Variants in MED15 observed in about 807,000 individuals in gnomAD.
MED15 encodes mediator of RNA polymerase II transcription subunit 15.
A neutral mutation model predicts 118.7 loss-of-function variants in MED15; 41 were observed. The observed-to-expected ratio is 0.35, with a 90% CI of 0.27 to 0.45. MED15 has a LOEUF of 0.45. Among genes scored for constraint, MED15 ranks in the 20% least tolerant of loss-of-function variants. MED15 has a pLI of 1.00. For missense variants in MED15, 740 were observed against 1,025.5 expected (o/e 0.72, Z 3.80); for synonymous variants, 436 against 413.9 (o/e 1.05, Z -0.65).
intron 2 of MED15, among the ~76,000 whole-genome samples, chr22:20,548,664 C>T (rs754538701): frequency 5.8e-4 from 89 of 152,146 alleles, no homozygotes; most frequent in Non-Finnish European, 1.0e-3. Context: ...TTCCACAGGT[C>T]TTATATAAAA....
At chr22:20,580,412 G>T (rs1463851674) in intron 9 of MED15, among the ~76,000 whole-genome samples, 1 of 152,180 alleles carries the variant, frequency 6.6e-6, no homozygotes, top group Admixed American at 6.5e-5. Flanking sequence ...CCACAGAAAA[G>T]AGCTGACCAT....
At chr22:20,521,088 ATTTTTTTTT>A (rs924603121) in intron 1 of MED15, among the ~76,000 whole-genome samples, 8 of 61,500 alleles carry the variant, frequency 1.3e-4, no homozygotes, top group Admixed American at 1.8e-4. Flanking sequence ...CAGTTGTTCT[ATTTTTTTTT>A]TTTTTTTTTT....
intron 1 of MED15, among the ~76,000 whole-genome samples, chr22:20,512,504 T>C (rs1477391364): frequency 1.3e-5 from 2 of 151,778 alleles, no homozygotes; most frequent in African/African-American, 4.8e-5. Flanking sequence ...TAGGACCTCA[T>C]ACCTATGAAG....
Position 20,586,842 on chromosome 22 carries a change from C to T in MED15, c.*138C>T. On this transcript the variant is annotated 3_prime_UTR_variant, in exon 18 of 18. Transcript: ENST00000263205. Reference sequence around the variant, plus strand: ...TGCTTTTATCTTCTGCCTTGGGGACCTGCCAAACGAAATCCCACACCTGTA... The same window carrying T: ...TGCTTTTATCTTCTGCCTTGGGGACTTGCCAAACGAAATCCCACACCTGTA... 7.6e-7 allele frequency: 1 copy of T among 1,311,826 alleles called. No individual in the cohort carries two copies. The highest frequency in any genetic ancestry group is 1.4e-5 in the South Asian group (1 of 69,638). 81.3% of individuals were successfully genotyped at this position (1,311,826 alleles called of 1,614,324 possible). A position where few individuals can be genotyped will look rare whatever the true frequency, so the allele number is the denominator to read the frequency against.
Position 20,537,187 on chromosome 22 carries a change from C to G in MED15, c.139C>G (p.Leu47Val), listed in dbSNP as rs756941517. Residue 47 changes from leucine (L) to valine (V), a missense_variant, in exon 2 of 18, where the codon CTG becomes GTG. Coordinates refer to ENST00000263205, the MANE Select transcript of MED15 (RefSeq NM_001003891.3). Reference protein sequence around the residue: ...SSKDMESHVFLKAKTRDEYLS... With the variant: ...SSKDMESHVFVKAKTRDEYLS... ...CAAGGATATGGAGAGCCATGTTTTCCTGAAGGCCAAGACCCGGGTAAGGCC... is the reference window on the plus strand; with the variant it reads ...CAAGGATATGGAGAGCCATGTTTTCGTGAAGGCCAAGACCCGGGTAAGGCC... The G allele has an allele frequency of 6.2e-7, 1 of 1,613,780 alleles. No individual in the cohort carries two copies. The highest frequency in any genetic ancestry group is 1.1e-5 in the South Asian group (1 of 91,058).
intron 1 of MED15, among the ~76,000 whole-genome samples, chr22:20,533,609 C>T (rs1397892326): frequency 3.3e-5 from 5 of 152,086 alleles, no homozygotes; most frequent in Non-Finnish European, 5.9e-5. Flanking sequence ...CTCCTTGGCC[C>T]CACTCTGACC....
intron 8 of MED15, chr22:20,573,858 G>A (rs71312770): frequency 1.3e-5 from 2 of 152,230 alleles, no homozygotes; most frequent in East Asian, 3.9e-4. Context: ...AAGTGCCGCA[G>A]GTGGTGGTAA....
chr22:20,582,283 A>T (rs1441680288), intron 9 of MED15: 6 of 432,798 alleles, frequency 1.4e-5, no homozygotes, highest in Non-Finnish European at 4.2e-6. Context: ...AGGCCAGGCT[A>T]GTGCCAGCCA....
At chr22:20,575,655 T>C (rs2056800614) in intron 9 of MED15, among the ~76,000 whole-genome samples, 1 of 151,918 alleles carries the variant, frequency 6.6e-6, no homozygotes, top group South Asian at 2.1e-4. Context: ...GAGGATCACT[T>C]GAGGCCAGGA....
intron 5 of MED15, among the ~76,000 whole-genome samples, chr22:20,555,883 G>A (rs1019542650): frequency 1.4e-4 from 22 of 152,166 alleles, no homozygotes; most frequent in African/African-American, 4.1e-4. Context: ...CACCGCGCCC[G>A]GCTAATATTT....
chr22:20,513,292 T>G (rs2054140649), intron 1 of MED15, among the ~76,000 whole-genome samples: 3 of 151,466 alleles, frequency 2.0e-5, no homozygotes, highest in Admixed American at 1.3e-4. Flanking sequence ...CTTTTTTTTT[T>G]TTTTTGAGAC....
intron 8 of MED15, chr22:20,574,797 T>C (rs12484576): frequency 0.072 from 19,566 of 271,844 alleles, 1,582 homozygotes; most frequent in East Asian, 0.39. Context: ...CTGTGGGCTA[T>C]AGGATTCTGA....
chr22:20,513,278 CTTTCT>C lies in MED15; in HGVS notation c.68+5536_68+5540del, dbSNP rs933096411. Among the ~76,000 whole-genome samples the C allele has an allele frequency of 1.1e-4, 11 of 104,348 alleles. No individual in the cohort carries two copies. The South Asian group carries it at 3.1e-3, about 29-fold the overall frequency. 68.5% of individuals were successfully genotyped at this position (104,348 alleles called of 152,430 possible). A position where few individuals can be genotyped will look rare whatever the true frequency, so the allele number is the denominator to read the frequency against. On this transcript the variant is annotated intron_variant, in intron 1 of 17. Coordinates refer to ENST00000263205, the MANE Select transcript of MED15 (RefSeq NM_001003891.3). ...GTTACACTTGTTAGCCTTTCTTTTT[CTTTCT>C]TTTTTTTTTTTTTTGAGACGGAGTC...
intron 17 of MED15, 99 bp from the exon 18 acceptor site, chr22:20,586,469 C>T (rs1569257437): frequency 2.0e-6 from 3 of 1,533,226 alleles, no homozygotes; most frequent in Non-Finnish European, 2.6e-6. Flanking sequence ...GGTGCTTCGG[C>T]CCGCGCCTGG....
chr22:20,566,630 C>T lies in MED15; in HGVS notation c.854C>T (p.Ala285Val). Reference sequence around the variant, plus strand: ...CAGCCACAGCCTCCGCCCTCCCAGGCTCTGCCCCAGCAGCTGCAGCAGATG... The same window carrying T: ...CAGCCACAGCCTCCGCCCTCCCAGGTTCTGCCCCAGCAGCTGCAGCAGATG... ...MQQPQPPPSQ[A>V]LPQQLQQMHH... The change falls in exon 7 of 18, where the codon GCT (alanine) becomes GTT (valine). Residue 285 changes from alanine to valine, a missense_variant. Ala to Val is a moderately conservative substitution (Grantham distance 64). Transcript: ENST00000263205. The T allele has an allele frequency of 3.7e-6, 6 of 1,614,110 alleles. No homozygotes were observed. The highest frequency in any genetic ancestry group is 5.1e-6 in the Non-Finnish European group (6 of 1,180,008).
At chr22:20,550,946 G>A (rs1422239391) in intron 2 of MED15, 4 of 353,720 alleles carry the variant, frequency 1.1e-5, no homozygotes, top group East Asian at 1.5e-4. Context: ...GGGGAGGGCC[G>A]CCCAGATTTT....
chr22:20,517,665 G>A (rs1399309881), intron 1 of MED15, among the ~76,000 whole-genome samples: 1 of 152,122 alleles, frequency 6.6e-6, no homozygotes, highest in Non-Finnish European at 1.5e-5. Context: ...TGCCTCTCAG[G>A]ACTGCTGTAG....
At chr22:20,571,413 C>T (rs1300429153) in intron 8 of MED15, among the ~76,000 whole-genome samples, 1 of 152,252 alleles carries the variant, frequency 6.6e-6, no homozygotes, top group Non-Finnish European at 1.5e-5. Context: ...TCATTGCCCA[C>T]CTGCCCTGTG....
Position 20,507,663 on chromosome 22 carries a change from G to A in MED15, c.-16G>A, listed in dbSNP as rs777703828. 7 of 1,613,936 alleles carry A rather than the reference G, an allele frequency of 4.3e-6. No homozygotes were observed. The South Asian group carries it at 6.6e-5, about 15-fold the overall frequency. ...CGGCCAAGCGGGATACGGGCGGCGG[G>A]AGCTGGGGAACAGGCATGGACGTTT... On this transcript the variant is annotated 5_prime_UTR_variant, in exon 1 of 18. Coordinates refer to ENST00000263205, the MANE Select transcript of MED15 (RefSeq NM_001003891.3).
Sources: allele counts gnomAD v4.1 joint callset (sites outside exome capture counted in the v4.1 genomes callset), GRCh38; gene constraint gnomAD v4.1.1; transcripts MANE v1.5; gene names NCBI Gene and HGNC (gene_info 2026-07-23, HGNC 2026-07-21).